Variants in LINGO2 observed in about 807,000 individuals in gnomAD.
The protein encoded by LINGO2 is leucine-rich repeat and immunoglobulin-like domain-containing nogo receptor-interacting protein 2.
In LINGO2, 14 loss-of-function variants were observed where a neutral mutation model predicts 30.6. The ratio of observed to expected loss-of-function variants is 0.46; its 90% CI spans 0.30 to 0.72. The LOEUF is 0.72. Among genes scored for constraint, LINGO2 ranks in the 30% least tolerant of loss-of-function variants. The pLI, the probability that LINGO2 is intolerant of heterozygous loss-of-function variation, is 0.07. For synonymous variants in LINGO2, 317 were observed against 288.5 expected (o/e 1.10, Z -1.00); for missense variants, 729 against 751.7 (o/e 0.97, Z 0.35).
chr9:28,406,033 C>T (rs1306969556), intron 2 of LINGO2, among the ~76,000 whole-genome samples: 1 of 152,170 alleles, frequency 6.6e-6, no homozygotes, highest in East Asian at 1.9e-4. Flanking sequence ...TCCTGCACTA[C>T]CAATGCATTC....
intron 4 of LINGO2, among the ~76,000 whole-genome samples, chr9:28,236,258 A>G (rs1399451797): frequency 1.3e-5 from 2 of 152,322 alleles, no homozygotes; most frequent in Non-Finnish European, 2.9e-5. Context: ...TGAAGGATAA[A>G]GACTGTCCCA....
At chr9:28,241,267 CAAAAAAAAAAAA>C (rs1164724626) in intron 4 of LINGO2, among the ~76,000 whole-genome samples, 32 of 83,590 alleles carry the variant, frequency 3.8e-4, no homozygotes, top group Non-Finnish European at 5.5e-4. Flanking sequence ...GACCCTGTCT[CAAAAAAAAAAAA>C]AAAAAAAAAA....
At chr9:29,037,979 T>A in the LINGO2 span, among the ~76,000 whole-genome samples, 1 of 152,024 alleles carries the variant, frequency 6.6e-6, no homozygotes, top group African/African-American at 2.4e-5. Flanking sequence ...AGAGCTATGA[T>A]TTGTTGATGT....
intron 4 of LINGO2, among the ~76,000 whole-genome samples, chr9:28,032,704 C>A (rs1259311152): frequency 1.3e-5 from 2 of 152,160 alleles, no homozygotes; most frequent in East Asian, 3.8e-4. Flanking sequence ...GGAATGAAAA[C>A]CTATAACCCA....
chr9:28,513,676 A>T (rs1271465541), intron 1 of LINGO2, among the ~76,000 whole-genome samples: 4 of 152,188 alleles, frequency 2.6e-5, no homozygotes, highest in Non-Finnish European at 5.9e-5. Context: ...AAATTCAGAT[A>T]TTGTTCTATA....
chr9:28,767,415 T>C, the LINGO2 span, among the ~76,000 whole-genome samples: 1 of 152,096 alleles, frequency 6.6e-6, no homozygotes, highest in African/African-American at 2.4e-5. Context: ...AGCAATTACT[T>C]CCTTGAATCA....
chr9:28,407,150 T>G (rs1260605060), intron 2 of LINGO2, among the ~76,000 whole-genome samples: 2 of 151,662 alleles, frequency 1.3e-5, no homozygotes, highest in African/African-American at 4.8e-5. Context: ...CATAAACTAT[T>G]TATCAAGATA....
the LINGO2 span, among the ~76,000 whole-genome samples, chr9:29,071,197 T>TTGTAC: frequency 4.0e-5 from 6 of 149,718 alleles, no homozygotes; most frequent in East Asian, 2.0e-4. Flanking sequence ...TTGTATTGTA[T>TTGTAC]TGTATTTTTT....
At chr9:28,012,986 C>A (rs1014683931) in intron 4 of LINGO2, among the ~76,000 whole-genome samples, 4 of 151,940 alleles carry the variant, frequency 2.6e-5, no homozygotes, top group Non-Finnish European at 5.9e-5. Flanking sequence ...AAGAATGCTG[C>A]GTGAGATTTT....
chr9:29,011,846 C>A, the LINGO2 span, among the ~76,000 whole-genome samples: 1 of 152,160 alleles, frequency 6.6e-6, no homozygotes, highest in Non-Finnish European at 1.5e-5. Flanking sequence ...TAGTCATCAT[C>A]TATTTATTAG....
Position 27,994,235 on chromosome 9 carries a change from A to C in LINGO2, c.-36+18120T>G, listed in dbSNP as rs114523052. Among the ~76,000 whole-genome samples the C allele has an allele frequency of 4.9e-3, 745 of 152,228 alleles. 4 individuals are homozygous for C. Among genetic ancestry groups the C allele is most frequent in the African/African-American group, 0.016 (684 of 41,566 alleles). On this transcript the variant is annotated intron_variant, in intron 5 of 5. Coordinates refer to ENST00000379992, the Ensembl canonical transcript of LINGO2. ...GATAAACATCCCAAAAATGGACCTCAAAGAACTAGAAAAGTGAGAACAAAC... is the reference window on the plus strand; with the variant it reads ...GATAAACATCCCAAAAATGGACCTCCAAGAACTAGAAAAGTGAGAACAAAC...
chr9:28,047,845 A>T (rs936244703), intron 4 of LINGO2, among the ~76,000 whole-genome samples: 2 of 151,042 alleles, frequency 1.3e-5, no homozygotes, highest in African/African-American at 4.9e-5. Flanking sequence ...GAATAAAGGT[A>T]GGTATAATTT....
chr9:28,350,638 CACCA>C (rs1819829629), intron 3 of LINGO2, among the ~76,000 whole-genome samples: 1 of 151,408 alleles, frequency 6.6e-6, no homozygotes, highest in African/African-American at 2.4e-5. Context: ...CTCAGCTCTG[CACCA>C]AGCGGACCTA....
the LINGO2 span, among the ~76,000 whole-genome samples, chr9:28,971,061 G>A: frequency 2.0e-5 from 3 of 152,180 alleles, no homozygotes; most frequent in Admixed American, 6.5e-5. Context: ...GCAGGATACA[G>A]AACTGGTCAG....
the LINGO2 span, among the ~76,000 whole-genome samples, chr9:28,698,457 C>T: frequency 6.6e-6 from 1 of 151,970 alleles, no homozygotes; most frequent in Non-Finnish European, 1.5e-5. Flanking sequence ...CTCCAAACGT[C>T]TGATTTCAGG....
At chr9:29,028,429 T>TGAGA in the LINGO2 span, among the ~76,000 whole-genome samples, 1 of 112,814 alleles carries the variant, frequency 8.9e-6, no homozygotes, top group Non-Finnish European at 1.8e-5. Context: ...TGGGGGGGGG[T>TGAGA]GAGAGAGAGA....
intron 2 of LINGO2, among the ~76,000 whole-genome samples, chr9:28,420,566 G>C (rs1823154652): frequency 6.6e-6 from 1 of 151,984 alleles, no homozygotes. Context: ...AAGACAATAA[G>C]GCAGATCAAG....
At chr9:28,788,210 A>T in the LINGO2 span, among the ~76,000 whole-genome samples, 3 of 152,172 alleles carry the variant, frequency 2.0e-5, no homozygotes, top group Non-Finnish European at 4.4e-5. Context: ...TATAGAAAAA[A>T]ATTCATTAAA....
At chr9:28,203,589 C>T (rs1820312835) in intron 4 of LINGO2, among the ~76,000 whole-genome samples, 1 of 151,688 alleles carries the variant, frequency 6.6e-6, no homozygotes, top group South Asian at 2.1e-4. Flanking sequence ...CAAAGGTTTC[C>T]ATAAAGAATG....
Sources: allele counts gnomAD v4.1 joint callset (sites outside exome capture counted in the v4.1 genomes callset), GRCh38; gene constraint gnomAD v4.1.1; transcripts MANE v1.5; gene names NCBI Gene and HGNC (gene_info 2026-07-23, HGNC 2026-07-21).